Variants in TMLHE observed in about 807,000 individuals in gnomAD.
TMLHE encodes the protein trimethyllysine hydroxylase, epsilon, also known as trimethyllysine dioxygenase, mitochondrial.
Under a neutral mutation model 25.7 loss-of-function variants are expected in TMLHE, and 18 were observed. The observed-to-expected ratio is 0.70, with a 90% CI of 0.48 to 1.04. TMLHE has a LOEUF of 1.04. Ranked by LOEUF, TMLHE falls within the 50% of genes least tolerant of loss-of-function variation. TMLHE has a pLI of 0.00. For synonymous variants in TMLHE, 105 were observed against 97.0 expected, an observed-to-expected ratio of 1.08 and a Z score of -0.49; for missense variants, 236 against 259.0, an observed-to-expected ratio of 0.91 and a Z score of 0.61.
intron 2 of TMLHE, among the ~76,000 whole-genome samples, chrX:155,531,362 T>C (rs782212820): frequency 3.6e-5 from 4 of 111,405 alleles, no homozygotes; most frequent in Non-Finnish European, 7.5e-5. Context: ...AGGAAGCTTA[T>C]AATCATGGCA....
intron 3 of TMLHE, among the ~76,000 whole-genome samples, chrX:155,523,571 G>A (rs1393711963): frequency 1.8e-5 from 2 of 111,322 alleles, no homozygotes; most frequent in Admixed American, 1.9e-4. Flanking sequence ...CTTGATTACT[G>A]CAGTCTGGAA....
intron 1 of TMLHE, among the ~76,000 whole-genome samples, chrX:155,582,882 T>C (rs1236690072): frequency 8.9e-6 from 1 of 112,390 alleles, no homozygotes; most frequent in East Asian, 2.8e-4. Context: ...TGTATGTTTA[T>C]TGCGAAACTA....
chrX:155,609,550 T>C (rs1276232923), intron 1 of TMLHE, among the ~76,000 whole-genome samples: 2 of 111,231 alleles, frequency 1.8e-5, no homozygotes, highest in Non-Finnish European at 3.8e-5. Flanking sequence ...AAAAGTAAAA[T>C]AAATAAAAAC....
chrX:155,562,522 G>T (rs1263429327), intron 1 of TMLHE, among the ~76,000 whole-genome samples: 3 of 61,973 alleles, frequency 4.8e-5, no homozygotes, highest in African/African-American at 1.1e-4. Flanking sequence ...TTTACTTATG[G>T]AAATTTCTGC....
At chrX:155,512,324 C>T in intron 4 of TMLHE, among the ~76,000 whole-genome samples, 1 of 100,798 alleles carries the variant, frequency 9.9e-6, no homozygotes, top group South Asian at 4.7e-4. Flanking sequence ...CCCCTTCCCC[C>T]CACCCCACAA....
chrX:155,511,735 A>T lies in TMLHE; in HGVS notation c.696T>A (p.Thr232=). 1.7e-6 allele frequency: 2 copies of T among 1,201,566 alleles called. No homozygotes were observed. The highest frequency in any genetic ancestry group is 1.8e-5 in the South Asian group (1 of 55,615). ...GATCCAGAGCTAGCTTGGTGTACGC[A>T]GTGTCACCTCTGGAGAAGTCTGAAG... is the stretch of plus-strand genomic sequence containing the variant. The part of the protein sequence containing the change: ...YFTSDFSRGD[T]AYTKLALDRH... The change falls in exon 5 of 8, where the codon ACT becomes ACA. Residue 232 remains threonine, a synonymous_variant. Coordinates refer to ENST00000334398, the MANE Select transcript of TMLHE (RefSeq NM_018196.4).
chrX:155,596,330 G>A (rs1294875460), intron 1 of TMLHE, among the ~76,000 whole-genome samples: 1 of 111,708 alleles, frequency 9.0e-6, no homozygotes, highest in East Asian at 2.8e-4. Context: ...GACTTTTAAA[G>A]TTCTTTTGAT....
At chrX:155,546,855 C>T (rs886549139) in intron 1 of TMLHE, among the ~76,000 whole-genome samples, 2 of 110,706 alleles carry the variant, frequency 1.8e-5, no homozygotes, top group Non-Finnish European at 3.8e-5. Context: ...ATCTGTGCCC[C>T]ACAAACTAAA....
chrX:155,523,726 C>T (rs782759202), intron 3 of TMLHE, among the ~76,000 whole-genome samples: 1 of 111,918 alleles, frequency 8.9e-6, no homozygotes, highest in East Asian at 2.8e-4. Flanking sequence ...TGCATTAAAA[C>T]TATAGATCAA....
intron 1 of TMLHE, among the ~76,000 whole-genome samples, chrX:155,558,133 A>G (rs999429490): frequency 8.1e-5 from 9 of 111,676 alleles, no homozygotes; most frequent in African/African-American, 2.9e-4. Flanking sequence ...GTTCTGAGCT[A>G]CCTCTCAGCC....
chrX:155,511,587 G>T, intron 5 of TMLHE, 86 bp downstream of exon 5: 3 of 978,636 alleles, frequency 3.1e-6, no homozygotes, highest in Non-Finnish European at 1.4e-6. Flanking sequence ...TATGATCTTG[G>T]TTCGAACAGA....
intron 2 of TMLHE, among the ~76,000 whole-genome samples, chrX:155,539,913 T>C (rs1346150749): frequency 1.8e-5 from 2 of 110,107 alleles, no homozygotes; most frequent in East Asian, 5.7e-4. Context: ...AGAAATTCAC[T>C]GGAGGGATTC....
In TMLHE at chrX:155,545,204, C is replaced by A; in HGVS notation, c.73G>T (p.Ala25Ser). 1 of 1,209,858 alleles carries A rather than the reference C, an allele frequency of 8.3e-7. No individual in the cohort carries two copies. The highest frequency in any genetic ancestry group is 1.7e-5 in the African/African-American group (1 of 57,671). Residue 25 changes from alanine (A) to serine (S), a missense_variant, in exon 2 of 8, where the codon GCC (alanine) becomes TCC (serine). Ala to Ser is a moderately conservative substitution (Grantham distance 99, BLOSUM62 1). Transcript: ENST00000334398. ...CTTTTGAAGTTGGGCTGTGGAAGGG[C>A]CGGATATATGACTCCTCCCTTCAGC... Reference protein sequence around the residue: ...DLLKGGVIYPALPQPNFKSLL... With the variant: ...DLLKGGVIYPSLPQPNFKSLL...
At chrX:155,556,851 G>A (rs2067460276) in intron 1 of TMLHE, among the ~76,000 whole-genome samples, 2 of 111,123 alleles carry the variant, frequency 1.8e-5, no homozygotes, top group South Asian at 7.6e-4. Flanking sequence ...GCCCCGGGGG[G>A]GCCAGTTCAG....
rs1376640235 is a variant in TMLHE at position 155,570,856 on chromosome X, C to T, written c.-1-25579G>A. On this transcript the variant is annotated intron_variant, in intron 1 of 7. Coordinates refer to ENST00000334398, the MANE Select transcript of TMLHE (RefSeq NM_018196.4). The stretch of plus-strand genomic sequence containing the variant: ...AAAGTGTCTAGAGGGAAATTTATAG[C>T]ACTAAATACCCACAAGAGAAGCAGG... Among the ~76,000 whole-genome samples the T allele has an allele frequency of 5.2e-5, 3 of 57,278 alleles. 1 individual carries two copies. The highest frequency in any genetic ancestry group is 1.3e-4 in the African/African-American group (3 of 23,807). 49.7% of individuals were successfully genotyped at this position (57,278 alleles called of 115,157 possible). A position where few individuals can be genotyped will look rare whatever the true frequency, so the allele number is the denominator to read the frequency against.
chrX:155,552,309 A>G (rs1375070144), intron 1 of TMLHE, among the ~76,000 whole-genome samples: 2 of 109,833 alleles, frequency 1.8e-5, no homozygotes, highest in Non-Finnish European at 3.8e-5. Context: ...TGTGAGATTG[A>G]TATTATTTCT....
intron 5 of TMLHE, 67 bp from the exon 6 acceptor site, chrX:155,507,201 T>C: frequency 1.4e-6 from 1 of 706,369 alleles, no homozygotes; most frequent in Non-Finnish European, 2.1e-6. Context: ...CTAGAAATTA[T>C]ATATAAAATG....
intron 3 of TMLHE, among the ~76,000 whole-genome samples, chrX:155,515,888 C>G (rs2067149792): frequency 9.1e-6 from 1 of 110,383 alleles, no homozygotes; most frequent in African/African-American, 3.3e-5. Flanking sequence ...ACTCATATAG[C>G]CCACAAAGTT....
chrX:155,524,439 G>A lies in TMLHE; in HGVS notation c.358+17C>T, dbSNP rs1029553536. 9.0e-7 allele frequency: 1 copy of A among 1,110,764 alleles called. No individual in the cohort carries two copies. Among genetic ancestry groups the A allele is most frequent in the Non-Finnish European group, 1.2e-6 (1 of 838,276 alleles). The allele number at this position is 1,110,764 out of a possible 1,213,427, so 91.5% of individuals were successfully genotyped here. Reference sequence around the variant, plus strand: ...GAAGAGTACCCCCAAAGAAGATCAAGTCTCCTGTCCACTCACAAGTGAAAA... The same window carrying A: ...GAAGAGTACCCCCAAAGAAGATCAAATCTCCTGTCCACTCACAAGTGAAAA... On this transcript the variant is annotated intron_variant, in intron 3 of 7. Coordinates refer to ENST00000334398, the MANE Select transcript of TMLHE (RefSeq NM_018196.4).
Sources: gnomAD v4.1 joint callset for allele counts (sites outside exome capture counted in the v4.1 genomes callset) on GRCh38, gnomAD v4.1.1 for gene constraint, MANE v1.5 for transcripts, NCBI Gene and HGNC (gene_info 2026-07-23, HGNC 2026-07-21) for gene names.